DERA: variants seen among roughly 807,000 people sequenced by gnomAD.
The protein encoded by DERA is 2-deoxy-D-ribose 5-phosphate aldolase.
In DERA, 15 loss-of-function variants were observed where a neutral mutation model predicts 41.1. The ratio of observed to expected loss-of-function variants is 0.37; its 90% CI spans 0.24 to 0.56. The LOEUF (loss-of-function observed/expected upper bound fraction) is 0.56, where lower values mean the gene tolerates loss of function less well. Ranked by LOEUF, DERA falls within the 20% of genes least tolerant of loss-of-function variation. DERA has a pLI of 0.81. For synonymous variants in DERA, 139 were observed against 137.4 expected, an observed-to-expected ratio of 1.01 and a Z score of -0.08; for missense variants, 396 against 403.4, an observed-to-expected ratio of 0.98 and a Z score of 0.16.
intron 5 of DERA, among the ~76,000 whole-genome samples, chr12:15,973,027 C>G (rs370547206): frequency 6.6e-6 from 1 of 151,990 alleles, no homozygotes; most frequent in African/African-American, 2.4e-5. Context: ...TCATTGTGGC[C>G]GAGTGCTCTG....
At chr12:16,006,310 T>C (rs1482858588) in intron 6 of DERA, among the ~76,000 whole-genome samples, 1 of 152,200 alleles carries the variant, frequency 6.6e-6, no homozygotes, top group Non-Finnish European at 1.5e-5. Flanking sequence ...TTCTTTAGGC[T>C]GAAAATTGCG....
In DERA at chr12:15,996,265, A is replaced by G. The variant is rs1365885442; in HGVS notation, c.637+13829A>G. Among the ~76,000 whole-genome samples, 1 of 151,736 alleles carries G rather than the reference A, an allele frequency of 6.6e-6. No homozygotes were observed. Among genetic ancestry groups the G allele is most frequent in the African/African-American group, 2.4e-5 (1 of 41,328 alleles). On this transcript the variant is annotated intron_variant, in intron 6 of 8. Transcript: ENST00000428559. This position sits in a 1 kb window ranked among gnomAD's most constrained non-coding sequence, Gnocchi z 4.7. ...AGAAAACATGGGAAAAGAGGAGTGT[A>G]TTAGTTTCTTGGGCTCGCTGTAACA...
In DERA at chr12:16,009,651, A is replaced by G. The variant is rs1948934744; in HGVS notation, c.638-22891A>G. On this transcript the variant is annotated intron_variant, in intron 6 of 8. Transcript: ENST00000428559. The surrounding 1 kb of genome is among the most constrained non-coding windows in gnomAD (Gnocchi z 5.3). Reference sequence around the variant, plus strand: ...AATTTAACAGCTGAATTTTTTTCTCACTAAGGTTTTATATTTTTAAGTTAT... The same window carrying G: ...AATTTAACAGCTGAATTTTTTTCTCGCTAAGGTTTTATATTTTTAAGTTAT... Among the ~76,000 whole-genome samples, 1 of 152,108 alleles carries G rather than the reference A, an allele frequency of 6.6e-6. No homozygotes were observed. Among genetic ancestry groups the G allele is most frequent in the Admixed American group, 6.5e-5 (1 of 15,268 alleles).
chr12:15,960,064 T>C (rs1948572467), intron 4 of DERA, 140 bp downstream of exon 4: 1 of 605,784 alleles, frequency 1.7e-6, no homozygotes, highest in Non-Finnish European at 2.7e-6. Flanking sequence ...ATGATTTTAG[T>C]ATGTACTAAT....
chr12:16,016,959 T>G (rs1201207823), intron 6 of DERA, among the ~76,000 whole-genome samples: 1 of 152,132 alleles, frequency 6.6e-6, no homozygotes, highest in Non-Finnish European at 1.5e-5. Context: ...CTGGACATAC[T>G]CAAGGACTTT....
rs1420680561 is a variant in DERA at position 15,976,789 on chromosome 12, T to C, written c.509-5519T>C. Among the ~76,000 whole-genome samples the C allele has an allele frequency of 6.6e-6, 1 of 152,134 alleles. No individual in the cohort carries two copies. The highest frequency in any genetic ancestry group is 1.5e-5 in the Non-Finnish European group (1 of 68,034). On this transcript the variant is annotated intron_variant, in intron 5 of 8. Coordinates refer to ENST00000428559, the MANE Select transcript of DERA (RefSeq NM_015954.4). This position sits in a 1 kb window ranked among gnomAD's most constrained non-coding sequence, Gnocchi z 4.1. The stretch of plus-strand genomic sequence containing the variant: ...GGTTTGAGCTGTAAAAATAAAGCTC[T>C]CCTATCTAATCTTGAGGAGAAAAAT...
intron 1 of DERA, among the ~76,000 whole-genome samples, chr12:15,932,333 A>G (rs186164702): frequency 9.1e-4 from 139 of 152,290 alleles, no homozygotes; most frequent in Non-Finnish European, 1.7e-3. Flanking sequence ...ATGAACCCAT[A>G]TGATACTTTA....
intron 5 of DERA, among the ~76,000 whole-genome samples, chr12:15,974,104 G>A (rs2034503): frequency 0.62 from 94,660 of 151,794 alleles, 29,867 homozygotes; most frequent in East Asian, 0.82. Context: ...TATTTTTCTG[G>A]ACCATTTGGG....
chr12:16,025,195 A>G (rs1949045109), intron 6 of DERA, among the ~76,000 whole-genome samples: 1 of 152,186 alleles, frequency 6.6e-6, no homozygotes, highest in Non-Finnish European at 1.5e-5. Context: ...TAAACATGGT[A>G]TATATTAATT....
In DERA at chr12:15,998,874, A is replaced by C. The variant is rs919115551; in HGVS notation, c.637+16438A>C. Among the ~76,000 whole-genome samples, 1 of 152,184 alleles carries C rather than the reference A, an allele frequency of 6.6e-6. No individual in the cohort carries two copies. Among genetic ancestry groups the C allele is most frequent in the African/African-American group, 2.4e-5 (1 of 41,438 alleles). Reference sequence around the variant, plus strand: ...GAATAACTGAAATGTAGCCTGTGTCAGTTGCACTATAGGTCCTAACCAACG... The same window carrying C: ...GAATAACTGAAATGTAGCCTGTGTCCGTTGCACTATAGGTCCTAACCAACG... On this transcript the variant is annotated intron_variant, in intron 6 of 8. Transcript: ENST00000428559. This position sits in a 1 kb window ranked among gnomAD's most constrained non-coding sequence, Gnocchi z 4.8.
chr12:15,989,145 G>A lies in DERA; in HGVS notation c.637+6709G>A, dbSNP rs1190712471. Among the ~76,000 whole-genome samples the A allele has an allele frequency of 6.6e-6, 1 of 152,196 alleles. No individual in the cohort carries two copies. Among genetic ancestry groups the A allele is most frequent in the Non-Finnish European group, 1.5e-5 (1 of 68,032 alleles). The stretch of plus-strand genomic sequence containing the variant: ...GCTTGTTGGATGCAGCTGCCCCTGG[G>A]AGCACAGGGCTCCTGCCCTACCAAC... On this transcript the variant is annotated intron_variant, in intron 6 of 8. Transcript: ENST00000428559. This position sits in a 1 kb window ranked among gnomAD's most constrained non-coding sequence, Gnocchi z 5.2.
chr12:16,019,465 C>T lies in DERA; in HGVS notation c.638-13077C>T, dbSNP rs1257938532. ...GCCCAATGTCTGTGGGTTCAAAGCT[C>T]TCTATAATATTTTCCTAAGGGATAT... On this transcript the variant is annotated intron_variant, in intron 6 of 8. Coordinates refer to ENST00000428559, the MANE Select transcript of DERA (RefSeq NM_015954.4). This position sits in a 1 kb window ranked among gnomAD's most constrained non-coding sequence, Gnocchi z 4.4. Among the ~76,000 whole-genome samples, 1 of 151,936 alleles carries T rather than the reference C, an allele frequency of 6.6e-6. No homozygotes were observed. The highest frequency in any genetic ancestry group is 2.4e-5 in the African/African-American group (1 of 41,184).
rs749320478 is a variant in DERA at position 15,959,862 on chromosome 12, C to T, written c.311C>T (p.Ala104Val). ...ACAGCCGCCGTTTGTGTTTATCCCG[C>T]CCGGGTGTGTGATGCTGTAAAAGCA... ...ITTAAVCVYP[A>V]RVCDAVKALK... Residue 104 changes from alanine (A) to valine (V), a missense_variant, in exon 4 of 9, where the codon GCC becomes GTC. By Grantham distance (64) the Ala-to-Val change is moderately conservative. Transcript: ENST00000428559. The surrounding 1 kb of genome is among the most constrained non-coding windows in gnomAD (Gnocchi z 4.5). The T allele has an allele frequency of 7.7e-6, 12 of 1,550,550 alleles. No homozygotes were observed. In the African/African-American group the frequency reaches 1.6e-4, roughly 21 times the overall value.
At chr12:15,971,307 C>T (rs1312908500) in intron 5 of DERA, among the ~76,000 whole-genome samples, 1 of 152,136 alleles carries the variant, frequency 6.6e-6, no homozygotes, top group South Asian at 2.1e-4. Flanking sequence ...TGATAGCCAG[C>T]GTTACCAAAT....
At chr12:15,956,330 C>T (rs561871180) in intron 1 of DERA, among the ~76,000 whole-genome samples, 9 of 152,182 alleles carry the variant, frequency 5.9e-5, no homozygotes, top group Non-Finnish European at 1.3e-4. Context: ...AGAGATAGCT[C>T]CTGAAACTTT....
rs964547126 is a variant in DERA, at chr12:15,999,967, T to C, written c.637+17531T>C. On this transcript the variant is annotated intron_variant, in intron 6 of 8. Coordinates refer to ENST00000428559, the MANE Select transcript of DERA (RefSeq NM_015954.4). This position sits in a 1 kb window ranked among gnomAD's most constrained non-coding sequence, Gnocchi z 5.3. ...CAGGAAGGCCATTAGGAAGCTGTGATAACACTTCAGCTGACCATCACGAGC... is the reference window on the plus strand; with the variant it reads ...CAGGAAGGCCATTAGGAAGCTGTGACAACACTTCAGCTGACCATCACGAGC... Among the ~76,000 whole-genome samples, 1 of 152,162 alleles carries C rather than the reference T, an allele frequency of 6.6e-6. No individual in the cohort carries two copies. The highest frequency in any genetic ancestry group is 1.5e-5 in the Non-Finnish European group (1 of 68,024).
chr12:15,920,853 C>A (rs1057120129), intron 1 of DERA, among the ~76,000 whole-genome samples: 1 of 152,148 alleles, frequency 6.6e-6, no homozygotes, highest in South Asian at 2.1e-4. Context: ...AATACCCCCC[C>A]CAAAAATACC....
At chr12:16,033,814 ACTC>A (rs1949109923) in intron 7 of DERA, among the ~76,000 whole-genome samples, 1 of 151,888 alleles carries the variant, frequency 6.6e-6, no homozygotes, top group Non-Finnish European at 1.5e-5. Context: ...GAGGAAATAA[ACTC>A]CTTCCAGAAT....
rs189999420 is a variant in DERA, at chr12:16,011,875, A to C, written c.638-20667A>C. 1.8e-3 allele frequency among the ~76,000 whole-genome samples: 280 copies of C among 152,334 alleles called. No homozygotes were observed. Among genetic ancestry groups the C allele is most frequent in the Non-Finnish European group, 3.5e-3 (238 of 68,030 alleles). On this transcript the variant is annotated intron_variant, in intron 6 of 8. Transcript: ENST00000428559. This position sits in a 1 kb window ranked among gnomAD's most constrained non-coding sequence, Gnocchi z 4.7. ...ATATTTCTGGCATTTTCTTTTGTTT[A>C]CAGGGTACTGGCCTAATTGCCATGA... is the stretch of plus-strand genomic sequence containing the variant.
Sources: gnomAD v4.1 joint callset for allele counts (sites outside exome capture counted in the v4.1 genomes callset) on GRCh38, gnomAD v4.1.1 for gene constraint, Gnocchi (gnomAD v3.1) non-coding constraint, MANE v1.5 for transcripts, NCBI Gene and HGNC (gene_info 2026-07-23, HGNC 2026-07-21) for gene names.